TTC28: variants seen among roughly 807,000 people sequenced by gnomAD.
The protein encoded by TTC28 is tetratricopeptide repeat protein 28.
TTC28 carries 61 observed loss-of-function variants against 198.0 expected under a neutral mutation model. The ratio of observed to expected loss-of-function variants is 0.31; its 90% CI spans 0.25 to 0.38. The LOEUF (loss-of-function observed/expected upper bound fraction) is 0.38. Ranked by LOEUF, TTC28 falls within the 10% of genes least tolerant of loss-of-function variation. The pLI, the probability that TTC28 is intolerant of heterozygous loss-of-function variation, is 1.00. For missense variants in TTC28, 2,678 were observed against 3,164.0 expected (o/e 0.85, Z 3.69); for synonymous variants, 1,171 against 1,297.8 (o/e 0.90, Z 2.10).
In TTC28 at chr22:28,107,296, A is replaced by G. The variant is rs1416207365; in HGVS notation, c.2549T>C (p.Met850Thr). Residue 850 changes from methionine (M) to threonine (T), a missense_variant, in exon 7 of 23, where the codon ATG becomes ACG. By Grantham distance (81) the Met-to-Thr change is moderately conservative. Coordinates refer to ENST00000397906, the MANE Select transcript of TTC28 (RefSeq NM_001145418.2). ...CTCAAAGTAGCCAATGGCTTCTTCC[A>G]TCACATTCATGTTCATCTTTGTGAT... ...MGITKMNMNV[M>T]EEAIGYFEQQ... is the part of the protein sequence containing the mutation. 14 of 1,551,702 alleles carry G rather than the reference A, an allele frequency of 9.0e-6. No individual in the cohort carries two copies. Among genetic ancestry groups the G allele is most frequent in the African/African-American group, 1.4e-5 (1 of 73,064 alleles).
chr22:28,414,964 G>A (rs2047145123), intron 2 of TTC28, among the ~76,000 whole-genome samples: 1 of 152,022 alleles, frequency 6.6e-6, no homozygotes, highest in African/African-American at 2.4e-5. Flanking sequence ...TATTTTAATC[G>A]CATACTTTTT....
At chr22:28,526,478 G>A (rs552897851) in intron 2 of TTC28, among the ~76,000 whole-genome samples, 1 of 152,178 alleles carries the variant, frequency 6.6e-6, no homozygotes, top group Non-Finnish European at 1.5e-5. Flanking sequence ...AATCTTGAAA[G>A]AAGAGAAATG....
chr22:28,083,412 G>C (rs1367460235), intron 12 of TTC28, among the ~76,000 whole-genome samples: 2 of 152,084 alleles, frequency 1.3e-5, no homozygotes, highest in Non-Finnish European at 2.9e-5. Flanking sequence ...TCTGACACTG[G>C]GGTTTTATTT....
chr22:28,390,346 T>C (rs909040881), intron 2 of TTC28, among the ~76,000 whole-genome samples: 1 of 152,168 alleles, frequency 6.6e-6, no homozygotes, highest in Admixed American at 6.6e-5. Flanking sequence ...AGTTCTGTAG[T>C]TGTCTATTAG....
rs2048680002 is a variant in TTC28 at position 28,510,977 on chromosome 22, C to T, written c.381+118575G>A. ...AGGCGAAGGACCTCTTCAGAAAGAA[C>T]TACAAATCACTGCTCAAAGAAATCA... On this transcript the variant is annotated intron_variant, in intron 2 of 22. Coordinates refer to ENST00000397906, the MANE Select transcript of TTC28 (RefSeq NM_001145418.2). Among the ~76,000 whole-genome samples, 5 of 151,986 alleles carry T rather than the reference C, an allele frequency of 3.3e-5. No homozygotes were observed. The South Asian group carries it at 1.0e-3, about 32-fold the overall frequency.
At chr22:28,414,508 A>AC in intron 2 of TTC28, among the ~76,000 whole-genome samples, 1 of 139,880 alleles carries the variant, frequency 7.1e-6, no homozygotes, top group Admixed American at 8.2e-5. Context: ...CTATGGTGGG[A>AC]AAAGCATTCT....
chr22:28,032,890 G>A, intron 12 of TTC28, among the ~76,000 whole-genome samples: 1 of 152,208 alleles, frequency 6.6e-6, no homozygotes, highest in South Asian at 2.1e-4. Context: ...TCATGCTGGA[G>A]AGCTTTTATT....
intron 2 of TTC28, among the ~76,000 whole-genome samples, chr22:28,506,059 C>A (rs1044520021): frequency 2.6e-5 from 4 of 151,914 alleles, no homozygotes; most frequent in Admixed American, 1.3e-4. Flanking sequence ...AAGGGGACCT[C>A]AACCCATTCT....
At chr22:28,170,536 A>G (rs1922567651) in intron 5 of TTC28, among the ~76,000 whole-genome samples, 1 of 152,038 alleles carries the variant, frequency 6.6e-6, no homozygotes, top group Non-Finnish European at 1.5e-5. Context: ...ATTACTACAT[A>G]TAACAGACCA....
intron 12 of TTC28, among the ~76,000 whole-genome samples, chr22:28,062,326 G>T (rs1406159206): frequency 6.6e-6 from 1 of 151,658 alleles, no homozygotes; most frequent in Non-Finnish European, 1.5e-5. Context: ...CTCCCAAAGT[G>T]CTGGGACTAC....
At chr22:28,461,229 A>G (rs2047945674) in intron 2 of TTC28, among the ~76,000 whole-genome samples, 1 of 152,192 alleles carries the variant, frequency 6.6e-6, no homozygotes, top group Non-Finnish European at 1.5e-5. Flanking sequence ...AGTGTGTGCA[A>G]TGGTACATAG....
intron 12 of TTC28, among the ~76,000 whole-genome samples, chr22:28,046,691 G>A (rs973958113): frequency 1.3e-5 from 2 of 152,074 alleles, no homozygotes; most frequent in Non-Finnish European, 2.9e-5. Flanking sequence ...ATATACATAG[G>A]ATGCCTGTAC....
At chr22:28,550,364 T>C (rs2049642326) in intron 2 of TTC28, among the ~76,000 whole-genome samples, 1 of 152,162 alleles carries the variant, frequency 6.6e-6, no homozygotes, top group Admixed American at 6.5e-5. Flanking sequence ...TTCATTATCC[T>C]CATTCAAGCT....
intron 1 of TTC28, among the ~76,000 whole-genome samples, chr22:28,649,858 G>A (rs2051538003): frequency 6.6e-6 from 1 of 152,056 alleles, no homozygotes; most frequent in South Asian, 2.1e-4. Context: ...TATGTTATAT[G>A]CCATTAAATT....
chr22:28,079,776 T>G (rs1437227320), intron 12 of TTC28, among the ~76,000 whole-genome samples: 1 of 152,162 alleles, frequency 6.6e-6, no homozygotes, highest in Non-Finnish European at 1.5e-5. Context: ...TCACCTAGGC[T>G]GGTGTACAGT....
At chr22:28,477,027 A>G (rs563156699) in intron 2 of TTC28, among the ~76,000 whole-genome samples, 9 of 152,342 alleles carry the variant, frequency 5.9e-5, no homozygotes, top group South Asian at 2.1e-4. Context: ...GAATATATTC[A>G]TATAATTCCA....
At chr22:28,059,673 A>T (rs1397311335) in intron 12 of TTC28, among the ~76,000 whole-genome samples, 1 of 152,044 alleles carries the variant, frequency 6.6e-6, no homozygotes, top group African/African-American at 2.4e-5. Flanking sequence ...CTGCAGAAAT[A>T]TCTGTTTCTT....
At chr22:28,424,626 C>T (rs992833019) in intron 2 of TTC28, among the ~76,000 whole-genome samples, 3 of 152,108 alleles carry the variant, frequency 2.0e-5, no homozygotes, top group South Asian at 2.1e-4. Context: ...TCTGTGCTAG[C>T]GTCATAGCTG....
intron 2 of TTC28, among the ~76,000 whole-genome samples, chr22:28,589,234 T>C (rs1428125738): frequency 6.6e-6 from 1 of 152,190 alleles, no homozygotes; most frequent in Non-Finnish European, 1.5e-5. Flanking sequence ...CCATGTTAAA[T>C]AAAATTTAGA....
Sources: gnomAD v4.1 joint callset for allele counts (sites outside exome capture counted in the v4.1 genomes callset) on GRCh38, gnomAD v4.1.1 for gene constraint, MANE v1.5 for transcripts, NCBI Gene and HGNC (gene_info 2026-07-23, HGNC 2026-07-21) for gene names.